The following ID1 variants were observed in gnomAD, a reference collection of about 807,000 sequenced individuals.
The protein encoded by ID1 is DNA-binding protein inhibitor ID-1.
ID1 carries 8 observed loss-of-function variants against 11.3 expected under a neutral mutation model. The ratio of observed to expected loss-of-function variants is 0.71; its 90% CI spans 0.42 to 1.28. The LOEUF (loss-of-function observed/expected upper bound fraction) is 1.28, where lower values mean the gene tolerates loss of function less well. Among genes scored for constraint, ID1 ranks in the 50% most tolerant of loss-of-function variants. The pLI is 0.01. For synonymous variants in ID1, 176 were observed against 100.2 expected (o/e 1.76, Z -4.52); for missense variants, 347 against 219.8 (o/e 1.58, Z -3.66).
chr20:31,605,490 C>T lies in ID1; in HGVS notation c.103C>T (p.Leu35=), dbSNP rs758048335. 1.9e-6 allele frequency: 3 copies of T among 1,604,224 alleles called. No individual in the cohort carries two copies. The highest frequency in any genetic ancestry group is 2.2e-5 in the South Asian group (2 of 90,390). Residue 35 remains leucine, a synonymous_variant, in exon 1 of 2, where the codon CTG becomes TTG. Transcript: ENST00000376112. ...CGGTGCGGGCGAGGTGGTGCGCTGT[C>T]TGTCTGAGCAGAGCGTGGCCATCTC... ...ASGAGEVVRC[L]SEQSVAISRC...
Position 31,605,810 on chromosome 20 carries a change from C to T in ID1, c.423C>T (p.Ala141=), listed in dbSNP as rs760694804. The T allele has an allele frequency of 6.2e-7, 1 of 1,611,428 alleles. No homozygotes were observed. ...ACGGCGAGATCAGCGCCCTGACGGC[C>T]GAGGTGAGATCCAGATCCGACCACT... The part of the protein sequence containing the change: ...TLNGEISALT[A]EAACVPADDR... The change falls in exon 1 of 2, where the codon GCC becomes GCT. Residue 141 remains alanine, a synonymous_variant. Coordinates refer to ENST00000376112, the MANE Select transcript of ID1 (RefSeq NM_002165.4).
intron 1 of ID1, 98 bp from the exon 2 acceptor site, chr20:31,605,955 G>A (rs192792677): frequency 6.2e-7 from 1 of 1,601,118 alleles, no homozygotes; most frequent in South Asian, 1.1e-5. Context: ...CCTGGAAAAA[G>A]CGCTCCCCCG....
In ID1 at chr20:31,605,409, A is replaced by C. The variant is rs1223871001; in HGVS notation, c.22A>C (p.Thr8Pro). 2.5e-6 allele frequency: 4 copies of C among 1,599,642 alleles called. No homozygotes were observed. The highest frequency in any genetic ancestry group is 8.5e-7 in the Non-Finnish European group (1 of 1,177,710). Reference sequence around the variant, plus strand: ...AATCATGAAAGTCGCCAGTGGCAGCACCGCCACCGCCGCCGCGGGCCCCAG... The same window carrying C: ...AATCATGAAAGTCGCCAGTGGCAGCCCCGCCACCGCCGCCGCGGGCCCCAG... MKVASGSTATAAAGPSCA... is the reference protein window; with the variant it reads MKVASGSPATAAAGPSCA... The change falls in exon 1 of 2, where the codon ACC becomes CCC. Residue 8 changes from threonine (T) to proline (P), a missense_variant. Transcript: ENST00000376112.
chr20:31,605,443 T>C lies in ID1; in HGVS notation c.56T>C (p.Leu19Pro). 6.2e-7 allele frequency: 1 copy of C among 1,608,920 alleles called. No homozygotes were observed. Among genetic ancestry groups the C allele is most frequent in the Non-Finnish European group, 8.5e-7 (1 of 1,178,430 alleles). The change falls in exon 1 of 2, where the codon CTG becomes CCG. Residue 19 changes from leucine to proline, a missense_variant. By Grantham distance (98) the Leu-to-Pro change is moderately conservative (BLOSUM62 -3). Transcript: ENST00000376112. ...GCCGCCGCGGGCCCCAGCTGCGCGC[T>C]GAAGGCCGGCAAGACAGCGAGCGGT... The part of the protein sequence containing the change: ...ATAAAGPSCA[L>P]KAGKTASGAG...
rs1278466247 is a variant in ID1 at position 31,605,498 on chromosome 20, G to C, written c.111G>C (p.Glu37Asp). 3 of 1,598,942 alleles carry C rather than the reference G, an allele frequency of 1.9e-6. No individual in the cohort carries two copies. Among genetic ancestry groups the C allele is most frequent in the Non-Finnish European group, 2.6e-6 (3 of 1,171,708 alleles). ...GAGEVVRCLS[E>D]QSVAISRCAG... is the part of the protein sequence containing the mutation. Reference sequence around the variant, plus strand: ...GCGAGGTGGTGCGCTGTCTGTCTGAGCAGAGCGTGGCCATCTCGCGCTGCG... The same window carrying C: ...GCGAGGTGGTGCGCTGTCTGTCTGACCAGAGCGTGGCCATCTCGCGCTGCG... The change falls in exon 1 of 2, where the codon GAG becomes GAC. Residue 37 changes from glutamate to aspartate, a missense_variant. By Grantham distance (45) the Glu-to-Asp change is conservative (BLOSUM62 2). Transcript: ENST00000376112.
rs764309858 is a variant in ID1, at chr20:31,605,376, T to C, written c.-12T>C. On this transcript the variant is annotated 5_prime_UTR_variant, in exon 1 of 2. Transcript: ENST00000376112. Reference sequence around the variant, plus strand: ...GCTTTGCCCATTCTGTTTCAGCCAGTCGCCAAGAATCATGAAAGTCGCCAG... The same window carrying C: ...GCTTTGCCCATTCTGTTTCAGCCAGCCGCCAAGAATCATGAAAGTCGCCAG... 1.9e-6 allele frequency: 3 copies of C among 1,594,406 alleles called. No individual in the cohort carries two copies. The highest frequency in any genetic ancestry group is 4.5e-5 in the East Asian group (2 of 44,400).
Position 31,605,789 on chromosome 20 carries a change from C to G in ID1, c.402C>G (p.Gly134=). Residue 134 remains glycine (G), a synonymous_variant, in exon 1 of 2, where the codon GGC becomes GGG. Transcript: ENST00000376112. ...GGGCTCCGCTCAGCACCCTCAACGG[C>G]GAGATCAGCGCCCTGACGGCCGAGG... ...PVRAPLSTLN[G]EISALTAEAA... The G allele has an allele frequency of 1.2e-6, 2 of 1,611,352 alleles. No homozygotes were observed. The highest frequency in any genetic ancestry group is 1.7e-6 in the Non-Finnish European group (2 of 1,178,850).
At position 31,606,164 on chromosome 20, in the gene ID1, C is replaced by A; in HGVS notation, c.*70C>A. On this transcript the variant is annotated 3_prime_UTR_variant, in exon 2 of 2. Coordinates refer to ENST00000376112, the MANE Select transcript of ID1 (RefSeq NM_002165.4). ...AAGAGGAATTACGTGCTCTGTGGGT[C>A]TCCCCCAACGCGCCTCGCCGGATCT... The A allele has an allele frequency of 6.7e-7, 1 of 1,490,292 alleles. No homozygotes were observed. Among genetic ancestry groups the A allele is most frequent in the Non-Finnish European group, 9.3e-7 (1 of 1,073,912 alleles). The allele number at this position is 1,490,292 out of a possible 1,614,324, so 92.3% of individuals were successfully genotyped here. A position where few individuals can be genotyped will look rare whatever the true frequency, so the allele number is the denominator to read the frequency against.
chr20:31,606,428 C>A lies in ID1; in HGVS notation c.*334C>A. 1 of 363,356 alleles carries A rather than the reference C, an allele frequency of 2.8e-6. No homozygotes were observed. The highest frequency in any genetic ancestry group is 5.2e-6 in the Non-Finnish European group (1 of 191,156). The allele number at this position is 363,356 out of a possible 1,614,324, so 22.5% of individuals were successfully genotyped here. ...GGAAATTGCTTTGTATTGTATATTA[C>A]AATGATCACCGACTGAAAATATTGT... On this transcript the variant is annotated 3_prime_UTR_variant, in exon 2 of 2. Coordinates refer to ENST00000376112, the MANE Select transcript of ID1 (RefSeq NM_002165.4).
In ID1 at chr20:31,605,500, A is replaced by G. The variant is rs1211675065; in HGVS notation, c.113A>G (p.Gln38Arg). 2 of 1,599,108 alleles carry G rather than the reference A, an allele frequency of 1.3e-6. No individual in the cohort carries two copies. The highest frequency in any genetic ancestry group is 1.7e-6 in the Non-Finnish European group (2 of 1,171,736). ...AGEVVRCLSEQSVAISRCAGG... is the reference protein window; with the variant it reads ...AGEVVRCLSERSVAISRCAGG... Reference sequence around the variant, plus strand: ...GAGGTGGTGCGCTGTCTGTCTGAGCAGAGCGTGGCCATCTCGCGCTGCGCC... The same window carrying G: ...GAGGTGGTGCGCTGTCTGTCTGAGCGGAGCGTGGCCATCTCGCGCTGCGCC... Residue 38 changes from glutamine to arginine, a missense_variant, in exon 1 of 2, where the codon CAG becomes CGG. Physicochemically the swap from Gln to Arg is conservative, Grantham distance 43 (BLOSUM62 1). Coordinates refer to ENST00000376112, the MANE Select transcript of ID1 (RefSeq NM_002165.4).
In ID1 at chr20:31,605,305, T is replaced by G; in HGVS notation, c.-83T>G. On this transcript the variant is annotated 5_prime_UTR_variant, in exon 1 of 2. Transcript: ENST00000376112. ...CGCACTCTCATTCCACGTTCTTAAC[T>G]GTTCCATTTTCCGTATCTGCTTCGG... 1.5e-6 allele frequency: 2 copies of G among 1,291,196 alleles called. No homozygotes were observed. The highest frequency in any genetic ancestry group is 2.1e-6 in the Non-Finnish European group (2 of 933,432). 80.0% of individuals were successfully genotyped at this position (1,291,196 alleles called of 1,614,324 possible). A position where few individuals can be genotyped will look rare whatever the true frequency, so the allele number is the denominator to read the frequency against.
At position 31,605,686 on chromosome 20, in the gene ID1, A is replaced by G. The variant is rs745691460; in HGVS notation, c.299A>G (p.Asp100Gly). ...SKVEILQHVI[D>G]YIRDLQLELN... ...GTGGAGATTCTCCAGCACGTCATCG[A>G]CTACATCAGGGACCTTCAGTTGGAG... The change falls in exon 1 of 2, where the codon GAC (aspartate) becomes GGC (glycine). Residue 100 changes from aspartate (D) to glycine (G), a missense_variant. Coordinates refer to ENST00000376112, the MANE Select transcript of ID1 (RefSeq NM_002165.4). 6.2e-7 allele frequency: 1 copy of G among 1,611,504 alleles called. No homozygotes were observed. Among genetic ancestry groups the G allele is most frequent in the African/African-American group, 1.3e-5 (1 of 74,858 alleles).
Position 31,605,607 on chromosome 20 carries a change from T to G in ID1, c.220T>G (p.Ser74Ala). Residue 74 changes from serine to alanine, a missense_variant, in exon 1 of 2, where the codon TCA becomes GCA. Physicochemically the swap from Ser to Ala is moderately conservative, Grantham distance 99 (BLOSUM62 1). Coordinates refer to ENST00000376112, the MANE Select transcript of ID1 (RefSeq NM_002165.4). Reference sequence around the variant, plus strand: ...GCTCTACGACATGAACGGCTGTTACTCACGCCTCAAGGAGCTGGTGCCCAC... The same window carrying G: ...GCTCTACGACATGAACGGCTGTTACGCACGCCTCAAGGAGCTGGTGCCCAC... ...VLLYDMNGCY[S>A]RLKELVPTLP... The G allele has an allele frequency of 6.3e-7, 1 of 1,576,198 alleles. No homozygotes were observed.
Position 31,605,310 on chromosome 20 carries a change from C to T in ID1, c.-78C>T, listed in dbSNP as rs1168546419. 3.0e-5 allele frequency: 41 copies of T among 1,350,000 alleles called. No homozygotes were observed. Among genetic ancestry groups the T allele is most frequent in the Middle Eastern group, 2.5e-4 (1 of 3,946 alleles). The allele number at this position is 1,350,000 out of a possible 1,614,324, so 83.6% of individuals were successfully genotyped here. A position where few individuals can be genotyped will look rare whatever the true frequency, so the allele number is the denominator to read the frequency against. ...TCTCATTCCACGTTCTTAACTGTTC[C>T]ATTTTCCGTATCTGCTTCGGGCTTC... On this transcript the variant is annotated 5_prime_UTR_variant, in exon 1 of 2. Transcript: ENST00000376112.
Position 31,605,639 on chromosome 20 carries a change from C to A in ID1, c.252C>A (p.Pro84=). 6.2e-7 allele frequency: 1 copy of A among 1,600,416 alleles called. No homozygotes were observed. Among genetic ancestry groups the A allele is most frequent in the East Asian group, 2.3e-5 (1 of 43,804 alleles). ...SRLKELVPTL[P]QNRKVSKVEI... is the part of the protein sequence containing the mutation. ...TCAAGGAGCTGGTGCCCACCCTGCC[C>A]CAGAACCGCAAGGTGAGCAAGGTGG... The change falls in exon 1 of 2, where the codon CCC becomes CCA. Residue 84 remains proline (P), a synonymous_variant. Transcript: ENST00000376112.
rs1277208129 is a variant in ID1 at position 31,605,618 on chromosome 20, G to A, written c.231G>A (p.Lys77=). 2 of 1,584,514 alleles carry A rather than the reference G, an allele frequency of 1.3e-6. No homozygotes were observed. Among genetic ancestry groups the A allele is most frequent in the Non-Finnish European group, 1.7e-6 (2 of 1,165,936 alleles). ...YDMNGCYSRL[K]ELVPTLPQNR... is the part of the protein sequence containing the mutation. ...TGAACGGCTGTTACTCACGCCTCAA[G>A]GAGCTGGTGCCCACCCTGCCCCAGA... Residue 77 remains lysine, a synonymous_variant, in exon 1 of 2, where the codon AAG becomes AAA. Coordinates refer to ENST00000376112, the MANE Select transcript of ID1 (RefSeq NM_002165.4).
In ID1 at chr20:31,606,272, AGGGCGCTCCTCT is replaced by A; in HGVS notation, c.*179_*190del. 1 of 655,270 alleles carries A rather than the reference AGGGCGCTCCTCT, an allele frequency of 1.5e-6. No individual in the cohort carries two copies. Among genetic ancestry groups the A allele is most frequent in the Non-Finnish European group, 2.7e-6 (1 of 365,660 alleles). The allele number at this position is 655,270 out of a possible 1,614,324, so 40.6% of individuals were successfully genotyped here. A position where few individuals can be genotyped will look rare whatever the true frequency, so the allele number is the denominator to read the frequency against. ...CTGAGGCTGAGGCACTGGCGAGGAG[AGGGCGCTCCTCT>A]CTGCACACCTACTAGTCACCAGAGA... On this transcript the variant is annotated 3_prime_UTR_variant, in exon 2 of 2. Transcript: ENST00000376112.
chr20:31,605,971 C>A, intron 1 of ID1, 82 bp from the exon 2 acceptor site: 1 of 1,609,026 alleles, frequency 6.2e-7, no homozygotes, highest in South Asian at 1.1e-5. Flanking sequence ...CCCCGTCGTG[C>A]TTCCTGGGGA....
rs753188130 is a variant in ID1 at position 31,605,560 on chromosome 20, A to G, written c.173A>G (p.Asp58Gly). Residue 58 changes from aspartate to glycine, a missense_variant, in exon 1 of 2, where the codon GAC becomes GGC. Coordinates refer to ENST00000376112, the MANE Select transcript of ID1 (RefSeq NM_002165.4). ...GGGGCGCGCCTGCCTGCCCTGCTGGACGAGCAGCAGGTAAACGTGCTGCTC... is the reference window on the plus strand; with the variant it reads ...GGGGCGCGCCTGCCTGCCCTGCTGGGCGAGCAGCAGGTAAACGTGCTGCTC... Reference protein sequence around the residue: ...GAGARLPALLDEQQVNVLLYD... With the variant: ...GAGARLPALLGEQQVNVLLYD... 8.8e-5 allele frequency: 137 copies of G among 1,558,400 alleles called. No homozygotes were observed. The highest frequency in any genetic ancestry group is 1.2e-4 in the Non-Finnish European group (135 of 1,149,700).
Sources: gnomAD v4.1 joint callset for allele counts on GRCh38, gnomAD v4.1.1 for gene constraint, MANE v1.5 for transcripts, NCBI Gene and HGNC (gene_info 2026-07-23, HGNC 2026-07-21) for gene names.